Variants in VPS35L observed in about 807,000 individuals in gnomAD.
VPS35L encodes the protein VPS35 endosomal protein sorting factor like, also known as VPS35 endosomal protein-sorting factor-like.
In VPS35L, 83 loss-of-function variants were observed where a neutral mutation model predicts 133.0. The ratio of observed to expected loss-of-function variants is 0.62; its 90% CI spans 0.52 to 0.75. The LOEUF is 0.75. VPS35L is among the 30% of genes least tolerant of loss of function. The pLI is 0.00. For synonymous variants in VPS35L, 423 were observed against 449.9 expected, an observed-to-expected ratio of 0.94 and a Z score of 0.76; for missense variants, 1,083 against 1,206.8, an observed-to-expected ratio of 0.90 and a Z score of 1.52.
rs1411988599 is a variant in VPS35L, at chr16:19,600,331, A to G, written c.725-1333A>G. Among the ~76,000 whole-genome samples, 4 of 152,322 alleles carry G rather than the reference A, an allele frequency of 2.6e-5. No individual in the cohort carries two copies. In the East Asian group the frequency reaches 7.7e-4, roughly 29 times the overall value. On this transcript the variant is annotated intron_variant, in intron 8 of 30. Coordinates refer to ENST00000417362, the MANE Select transcript of VPS35L (RefSeq NM_020314.7). Reference sequence around the variant, plus strand: ...TGACTTAGGAGAGCTTAGAAAATGAATAAGGACTCTAATTTTTTACTTCCA... The same window carrying G: ...TGACTTAGGAGAGCTTAGAAAATGAGTAAGGACTCTAATTTTTTACTTCCA...
At chr16:19,680,922 C>CCG (rs1427656024) in intron 27 of VPS35L, among the ~76,000 whole-genome samples, 2 of 142,322 alleles carry the variant, frequency 1.4e-5, no homozygotes, top group African/African-American at 5.4e-5. Context: ...CCGCCCCCCC[C>CCG]CTAAAAAAAC....
At chr16:19,603,674 A>G (rs892513574) in intron 9 of VPS35L, among the ~76,000 whole-genome samples, 10 of 152,180 alleles carry the variant, frequency 6.6e-5, no homozygotes, top group Admixed American at 2.6e-4. Flanking sequence ...GGCCAGCCCA[A>G]GTGGAAAGGA....
At chr16:19,564,058 TGGC>T (rs1971107472) in intron 1 of VPS35L, among the ~76,000 whole-genome samples, 1 of 152,182 alleles carries the variant, frequency 6.6e-6, no homozygotes, top group Non-Finnish European at 1.5e-5. Context: ...TCCAGTATGC[TGGC>T]AGCTGTTTAT....
intron 29 of VPS35L, among the ~76,000 whole-genome samples, chr16:19,695,564 A>T (rs191743173): frequency 6.6e-6 from 1 of 152,278 alleles, no homozygotes; most frequent in African/African-American, 2.4e-5. Context: ...CTGTAATCCC[A>T]ACACTTTGGG....
intron 16 of VPS35L, 85 bp from the exon 17 acceptor site, chr16:19,628,552 C>T (rs574295272): frequency 1.3e-6 from 1 of 756,052 alleles, no homozygotes; most frequent in Non-Finnish European, 2.2e-6. Flanking sequence ...TTAAACATTA[C>T]AACCTTTTCT....
rs11291600 is a variant in VPS35L at position 19,608,280 on chromosome 16, CTTT to C, written c.881+18_881+20del. On this transcript the variant is annotated splice_region_variant and intron_variant, in intron 10 of 30. Transcript: ENST00000417362. Reference sequence around the variant, plus strand: ...AGGGAACTCATTCCAAGATTGTATCCTTTTTTTTTTTTTTGGTCTGATGATTTT... The same window carrying C: ...AGGGAACTCATTCCAAGATTGTATCCTTTTTTTTTTTGGTCTGATGATTTT... The C allele has an allele frequency of 1.1e-3, 1,512 of 1,377,090 alleles. No homozygotes were observed. The highest frequency in any genetic ancestry group is 1.2e-3 in the Non-Finnish European group (1,221 of 991,882). 85.3% of individuals were successfully genotyped at this position (1,377,090 alleles called of 1,614,324 possible). A position where few individuals can be genotyped will look rare whatever the true frequency, so the allele number is the denominator to read the frequency against.
intron 28 of VPS35L, 43 bp from the exon 29 acceptor site, chr16:19,691,310 C>G: frequency 6.5e-7 from 1 of 1,529,666 alleles, no homozygotes; most frequent in Non-Finnish European, 9.1e-7. Context: ...CCAGCATGGC[C>G]GCGGGGCTTG....
chr16:19,617,508 G>A (rs1972935013), intron 14 of VPS35L: 1 of 152,162 alleles, frequency 6.6e-6, no homozygotes, highest in South Asian at 2.1e-4. Context: ...TGTAGAGCAG[G>A]TATTTTATGG....
chr16:19,657,243 A>C lies in VPS35L; in HGVS notation c.2221+5153A>C, dbSNP rs763392120. On this transcript the variant is annotated intron_variant, in intron 26 of 30. Coordinates refer to ENST00000417362, the MANE Select transcript of VPS35L (RefSeq NM_020314.7). ...CAGCCTCCCAAAGTGCTAGGATTAC[A>C]GGCATGAGCCACCGTGCCCAACCAA... is the stretch of plus-strand genomic sequence containing the variant. 1.1e-3 allele frequency among the ~76,000 whole-genome samples: 171 copies of C among 152,166 alleles called. 3 individuals are homozygous for C. The highest frequency in any genetic ancestry group is 3.5e-4 in the Non-Finnish European group (24 of 68,020).
chr16:19,696,604 G>A (rs545174542), intron 29 of VPS35L, among the ~76,000 whole-genome samples: 1 of 151,776 alleles, frequency 6.6e-6, no homozygotes, highest in African/African-American at 2.4e-5. Context: ...CGAGGGGAGG[G>A]GATCAGGCCC....
intron 9 of VPS35L, among the ~76,000 whole-genome samples, chr16:19,603,330 A>C (rs565400587): frequency 6.6e-6 from 1 of 152,166 alleles, no homozygotes; most frequent in Non-Finnish European, 1.5e-5. Context: ...GCTCTTGAGC[A>C]CTTGAGATGT....
intron 18 of VPS35L, among the ~76,000 whole-genome samples, chr16:19,630,298 ATTTG>A (rs1227335035): frequency 7.1e-6 from 1 of 141,678 alleles, no homozygotes; most frequent in African/African-American, 2.6e-5. Context: ...TGCCAGAGTA[ATTTG>A]TTTATTTTAA....
Position 19,629,768 on chromosome 16 carries a change from A to T in VPS35L, c.1502A>T (p.Asp501Val). The change falls in exon 18 of 31, where the codon GAC (aspartate) becomes GTC (valine). Residue 501 changes from aspartate to valine, a missense_variant and splice_region_variant. Coordinates refer to ENST00000417362, the MANE Select transcript of VPS35L (RefSeq NM_020314.7). ...KVITKLKNPQ[D>V]YINCAEVWVE... The stretch of plus-strand genomic sequence containing the variant: ...AGATGTTTTCCTTTCTCTTTGTAGG[A>T]CTACATTAATTGTGCCGAAGTGTGG... The T allele has an allele frequency of 6.2e-7, 1 of 1,613,352 alleles. No individual in the cohort carries two copies. The highest frequency in any genetic ancestry group is 1.1e-5 in the South Asian group (1 of 91,068).
intron 29 of VPS35L, among the ~76,000 whole-genome samples, chr16:19,695,815 T>G (rs999137374): frequency 1.4e-3 from 199 of 142,560 alleles, no homozygotes; most frequent in African/African-American, 5.1e-3. Context: ...AGACCCTGTC[T>G]CTAAAATAAA....
chr16:19,612,566 T>G (rs1381464461), intron 12 of VPS35L, among the ~76,000 whole-genome samples: 1 of 152,208 alleles, frequency 6.6e-6, no homozygotes, highest in Non-Finnish European at 1.5e-5. Context: ...GTTTATGTAT[T>G]TCTTCTCTGC....
intron 26 of VPS35L, among the ~76,000 whole-genome samples, chr16:19,659,428 A>G (rs1974409900): frequency 6.6e-6 from 1 of 152,204 alleles, no homozygotes; most frequent in Non-Finnish European, 1.5e-5. Context: ...GATTTTTCAC[A>G]TTAAGTGTTG....
At chr16:19,691,076 GATT>G (rs886954709) in intron 28 of VPS35L, among the ~76,000 whole-genome samples, 8 of 152,308 alleles carry the variant, frequency 5.3e-5, no homozygotes, top group African/African-American at 1.9e-4. Flanking sequence ...CTGTGATGAT[GATT>G]ATTATTATTA....
chr16:19,671,536 G>A (rs1055042780), intron 27 of VPS35L, among the ~76,000 whole-genome samples: 1 of 150,992 alleles, frequency 6.6e-6, no homozygotes, highest in African/African-American at 2.4e-5. Flanking sequence ...CAACACTTTG[G>A]GAGGCTGAAG....
intron 20 of VPS35L, among the ~76,000 whole-genome samples, chr16:19,637,900 G>A (rs548939254): frequency 1.3e-5 from 2 of 152,322 alleles, no homozygotes; most frequent in African/African-American, 4.8e-5. Flanking sequence ...TATGGGATAT[G>A]TATAAGTAAG....
Sources: gnomAD v4.1 joint callset for allele counts (sites outside exome capture counted in the v4.1 genomes callset) on GRCh38, gnomAD v4.1.1 for gene constraint, MANE v1.5 for transcripts, NCBI Gene and HGNC (gene_info 2026-07-23, HGNC 2026-07-21) for gene names.